Variants in GNA12 observed in about 807,000 individuals in gnomAD.
GNA12 encodes G protein subunit alpha 12, also known as guanine nucleotide-binding protein subunit alpha-12.
In GNA12, 9 loss-of-function variants were observed where a neutral mutation model predicts 26.0. The ratio of observed to expected loss-of-function variants is 0.35; its 90% CI spans 0.21 to 0.60. GNA12 has a LOEUF of 0.60. Ranked by LOEUF, GNA12 falls within the 20% of genes least tolerant of loss-of-function variation. The pLI is 0.78. For missense variants in GNA12, 405 were observed against 525.8 expected, an observed-to-expected ratio of 0.77 and a Z score of 2.25; for synonymous variants, 264 against 219.6, an observed-to-expected ratio of 1.20 and a Z score of -1.79.
In GNA12 at chr7:2,749,735, G is replaced by C. The variant is rs148040505; in HGVS notation, c.526-16234C>G. ...TAGTGGAAAACAAATGGAAATTTTA[G>C]AACTAAAACACACAACATCTGAAAT... is the stretch of plus-strand genomic sequence containing the variant. On this transcript the variant is annotated intron_variant, in intron 2 of 3. Transcript: ENST00000275364. 1.6e-4 allele frequency among the ~76,000 whole-genome samples: 24 copies of C among 152,078 alleles called. No individual in the cohort carries two copies. The East Asian group carries it at 4.4e-3, about 28-fold the overall frequency.
chr7:2,834,204 C>T (rs986989198), intron 1 of GNA12, among the ~76,000 whole-genome samples: 4 of 152,222 alleles, frequency 2.6e-5, no homozygotes, highest in African/African-American at 4.8e-5. Context: ...TCTATGTATT[C>T]GAATTTTCTG....
In GNA12 at chr7:2,765,309, G is replaced by A. The variant is rs549239452; in HGVS notation, c.525+29619C>T. ...ACCACAGGCACCCGCCACTGCGCCC[G>A]CCTAATTTTTTTGTATTTTTAGTAG... On this transcript the variant is annotated intron_variant, in intron 2 of 3. Transcript: ENST00000275364. Among the ~76,000 whole-genome samples the A allele has an allele frequency of 1.1e-4, 16 of 152,018 alleles. No individual in the cohort carries two copies. In the East Asian group the frequency reaches 2.5e-3, roughly 24 times the overall value.
rs963155669 is a variant in GNA12 at position 2,769,458 on chromosome 7, C to T, written c.525+25470G>A. Among the ~76,000 whole-genome samples the T allele has an allele frequency of 2.6e-5, 4 of 151,874 alleles. No individual in the cohort carries two copies. In the South Asian group the frequency reaches 6.3e-4, roughly 24 times the overall value. ...TAAAACAGCTCTGGCCGGCTGGGCA[C>T]GGTGGCTCATGTCTGTAATCCCAGC... On this transcript the variant is annotated intron_variant, in intron 2 of 3. Coordinates refer to ENST00000275364, the MANE Select transcript of GNA12 (RefSeq NM_007353.3).
At chr7:2,819,631 C>G (rs1285064605) in intron 1 of GNA12, among the ~76,000 whole-genome samples, 1 of 152,120 alleles carries the variant, frequency 6.6e-6, no homozygotes, top group East Asian at 1.9e-4. Context: ...ATAGCCATAT[C>G]TCCAAAGAAG....
At chr7:2,792,938 C>T (rs559528982) in intron 2 of GNA12, among the ~76,000 whole-genome samples, 1 of 152,314 alleles carries the variant, frequency 6.6e-6, no homozygotes, top group African/African-American at 2.4e-5. Context: ...ACTGACTTCC[C>T]AGTGGAGAAA....
At chr7:2,756,060 G>A (rs1791277894) in intron 2 of GNA12, among the ~76,000 whole-genome samples, 1 of 152,136 alleles carries the variant, frequency 6.6e-6, no homozygotes, top group South Asian at 2.1e-4. Flanking sequence ...CTTTCAACTT[G>A]CTAGAAAGTG....
intron 2 of GNA12, among the ~76,000 whole-genome samples, chr7:2,789,920 G>A (rs370358738): frequency 6.6e-6 from 1 of 152,222 alleles, no homozygotes; most frequent in Non-Finnish European, 1.5e-5. Context: ...TAAAGCTACC[G>A]CCTGTGTCAG....
intron 1 of GNA12, among the ~76,000 whole-genome samples, chr7:2,820,035 G>A (rs1024098145): frequency 1.1e-4 from 17 of 152,176 alleles, no homozygotes; most frequent in Non-Finnish European, 1.9e-4. Flanking sequence ...AATGCTATTC[G>A]GCCGCTTAGA....
chr7:2,778,805 G>C (rs1201492137), intron 2 of GNA12, among the ~76,000 whole-genome samples: 4 of 152,190 alleles, frequency 2.6e-5, no homozygotes, highest in Admixed American at 6.5e-5. Context: ...CGAAAATGGT[G>C]AGAGTCCAGG....
chr7:2,745,724 C>G (rs970272248), intron 2 of GNA12, among the ~76,000 whole-genome samples: 11 of 152,144 alleles, frequency 7.2e-5, no homozygotes, highest in Non-Finnish European at 1.3e-4. Context: ...CACAGACTGG[C>G]AAATTGGATA....
intron 1 of GNA12, among the ~76,000 whole-genome samples, chr7:2,821,603 C>G (rs1327401378): frequency 6.6e-6 from 1 of 152,172 alleles, no homozygotes; most frequent in Non-Finnish European, 1.5e-5. Context: ...AACGGTGTGC[C>G]CTATGGACAA....
At chr7:2,828,783 C>T (rs904847016) in intron 1 of GNA12, among the ~76,000 whole-genome samples, 1 of 152,060 alleles carries the variant, frequency 6.6e-6, no homozygotes. Context: ...TGGCCAGGCA[C>T]GGTGGCTCAC....
chr7:2,779,466 C>T (rs533785644), intron 2 of GNA12, among the ~76,000 whole-genome samples: 3 of 151,440 alleles, frequency 2.0e-5, no homozygotes, highest in Non-Finnish European at 4.4e-5. Flanking sequence ...GCTATGATCA[C>T]GCTACTACAC....
chr7:2,757,189 G>A (rs1321061193), intron 2 of GNA12, among the ~76,000 whole-genome samples: 1 of 142,734 alleles, frequency 7.0e-6, no homozygotes, highest in East Asian at 2.1e-4. Flanking sequence ...AGGCTGGAGT[G>A]TAGTGGCACG....
At chr7:2,780,195 G>A (rs902829141) in intron 2 of GNA12, among the ~76,000 whole-genome samples, 1 of 150,728 alleles carries the variant, frequency 6.6e-6, no homozygotes, top group Non-Finnish European at 1.5e-5. Context: ...AACATAGAGA[G>A]TTCTCTCTCA....
chr7:2,844,143 T>A lies in GNA12; in HGVS notation c.19A>T (p.Thr7Ser), dbSNP rs1260230928. MSGVVR[T>S]LSRCLLPAEA... The stretch of plus-strand genomic sequence containing the variant: ...GCCGGCAGCAGGCAGCGGCTGAGGG[T>A]CCGCACCACCCCGGACATGGCCCCT... Residue 7 changes from threonine (T) to serine (S), a missense_variant, in exon 1 of 4, where the codon ACC becomes TCC. Coordinates refer to ENST00000275364, the MANE Select transcript of GNA12 (RefSeq NM_007353.3). The A allele has an allele frequency of 2.0e-6, 2 of 983,180 alleles. No homozygotes were observed. Among genetic ancestry groups the A allele is most frequent in the Non-Finnish European group, 2.4e-6 (2 of 831,438 alleles). 60.9% of individuals were successfully genotyped at this position (983,180 alleles called of 1,614,324 possible).
intron 2 of GNA12, among the ~76,000 whole-genome samples, chr7:2,783,058 T>C (rs1249051790): frequency 6.6e-6 from 1 of 152,212 alleles, no homozygotes; most frequent in Non-Finnish European, 1.5e-5. Context: ...TAAAGACCGG[T>C]GTCGGAGTCC....
intron 2 of GNA12, among the ~76,000 whole-genome samples, chr7:2,792,533 T>C (rs1371950364): frequency 1.3e-5 from 2 of 152,204 alleles, no homozygotes; most frequent in Non-Finnish European, 1.5e-5. Context: ...TCTGCTTCCT[T>C]CTTTGGAAAA....
At chr7:2,807,726 A>T (rs1456257988) in intron 1 of GNA12, among the ~76,000 whole-genome samples, 1 of 152,232 alleles carries the variant, frequency 6.6e-6, no homozygotes. Flanking sequence ...TTTAAGTAGT[A>T]AATTACTACT....
Sources: allele counts gnomAD v4.1 joint callset (sites outside exome capture counted in the v4.1 genomes callset), GRCh38; gene constraint gnomAD v4.1.1; transcripts MANE v1.5; gene names NCBI Gene and HGNC (gene_info 2026-07-23, HGNC 2026-07-21).